Variants in AK7 observed in about 807,000 individuals in gnomAD.
The protein encoded by AK7 is adenylate kinase 7, also known as ATP-AMP transphosphorylase 7.
AK7 carries 78 observed loss-of-function variants against 96.6 expected under a neutral mutation model. The observed-to-expected ratio is 0.81, with a 90% CI of 0.67 to 0.97. The LOEUF is 0.97. Ranked by LOEUF, AK7 falls within the 50% of genes least tolerant of loss-of-function variation. The pLI is 0.00. For synonymous variants in AK7, 302 were observed against 317.2 expected (o/e 0.95, Z 0.51); for missense variants, 855 against 887.9 (o/e 0.96, Z 0.47).
chr14:96,453,029 A>G (rs971939708), intron 10 of AK7, among the ~76,000 whole-genome samples: 1 of 152,212 alleles, frequency 6.6e-6, no homozygotes, highest in Non-Finnish European at 1.5e-5. Flanking sequence ...TGTCATCATA[A>G]CCATAATTAT....
At chr14:96,398,351 C>A in intron 2 of AK7, 88 bp downstream of exon 2, 1 of 1,364,562 alleles carries the variant, frequency 7.3e-7, no homozygotes, top group Non-Finnish European at 1.0e-6. Context: ...TACTGTTTGC[C>A]TCCCCTCCCC....
intron 5 of AK7, among the ~76,000 whole-genome samples, chr14:96,429,420 G>C (rs1465481909): frequency 1.3e-5 from 2 of 152,118 alleles, no homozygotes; most frequent in African/African-American, 4.8e-5. Flanking sequence ...TGTTCTTTTT[G>C]CTTACGATTG....
At chr14:96,464,696 A>G (rs1410426538) in intron 12 of AK7, among the ~76,000 whole-genome samples, 1 of 152,028 alleles carries the variant, frequency 6.6e-6, no homozygotes, top group East Asian at 1.9e-4. Flanking sequence ...TTCAGTGAGA[A>G]TTTACAAGTG....
intron 4 of AK7, among the ~76,000 whole-genome samples, chr14:96,409,731 T>C (rs1890926965): frequency 2.6e-5 from 4 of 152,244 alleles, no homozygotes. Flanking sequence ...GTTATTACGT[T>C]GCAAGAAAAC....
chr14:96,486,423 T>G (rs1895775435), intron 16 of AK7, among the ~76,000 whole-genome samples: 1 of 152,210 alleles, frequency 6.6e-6, no homozygotes, highest in African/African-American at 2.4e-5. Flanking sequence ...GTAACCAATT[T>G]TGATGTTGTG....
At chr14:96,484,969 C>T (rs952258663) in intron 16 of AK7, among the ~76,000 whole-genome samples, 12 of 152,190 alleles carry the variant, frequency 7.9e-5, no homozygotes, top group African/African-American at 2.9e-4. Flanking sequence ...AGGCCCAATG[C>T]ACACATCTTT....
chr14:96,449,268 A>G (rs1265662845), intron 8 of AK7, among the ~76,000 whole-genome samples: 1 of 151,728 alleles, frequency 6.6e-6, no homozygotes, highest in Non-Finnish European at 1.5e-5. Context: ...AGCTGCAAAC[A>G]CTCCACATGA....
intron 2 of AK7, among the ~76,000 whole-genome samples, chr14:96,402,706 T>A (rs1026502413): frequency 1.3e-4 from 20 of 152,088 alleles, no homozygotes; most frequent in African/African-American, 3.6e-4. Context: ...GAGAAGGAAG[T>A]GAATGGCTGG....
At chr14:96,393,052 C>A (rs940161661) in intron 1 of AK7, among the ~76,000 whole-genome samples, 1 of 152,156 alleles carries the variant, frequency 6.6e-6, no homozygotes, top group Non-Finnish European at 1.5e-5. Context: ...CTATTATGGA[C>A]CAGACACTGT....
chr14:96,436,455 G>A (rs1457459734), intron 5 of AK7, among the ~76,000 whole-genome samples: 2 of 152,014 alleles, frequency 1.3e-5, no homozygotes, highest in African/African-American at 4.8e-5. Flanking sequence ...GACCAGCCTG[G>A]CCAACATGGG....
At chr14:96,444,716 CTTT>C (rs543549862) in intron 7 of AK7, among the ~76,000 whole-genome samples, 1 of 144,822 alleles carries the variant, frequency 6.9e-6, no homozygotes, top group African/African-American at 2.5e-5. Flanking sequence ...GTTATCTTTC[CTTT>C]TTTTTTTTTT....
intron 9 of AK7, 50 bp downstream of exon 9, chr14:96,449,929 T>A: frequency 7.6e-7 from 1 of 1,323,396 alleles, no homozygotes; most frequent in Non-Finnish European, 1.1e-6. Flanking sequence ...CTCAATAATA[T>A]GGAGTATTGT....
chr14:96,424,048 C>G lies in AK7; in HGVS notation c.609+3116C>G, dbSNP rs1891871475. ...GGTGTAGAGTTTCCCTAAATCAAGACCATCCCACGAAATGCTGGTGGGTCT... is the reference window on the plus strand; with the variant it reads ...GGTGTAGAGTTTCCCTAAATCAAGAGCATCCCACGAAATGCTGGTGGGTCT... On this transcript the variant is annotated intron_variant, in intron 5 of 17. Transcript: ENST00000267584. The G allele has an allele frequency of 8.2e-6, 6 of 735,894 alleles. No homozygotes were observed. In the Admixed American group the frequency reaches 1.1e-4, roughly 13 times the overall value. The allele number at this position is 735,894 out of a possible 1,614,324, so 45.6% of individuals were successfully genotyped here. A position where few individuals can be genotyped will look rare whatever the true frequency, so the allele number is the denominator to read the frequency against.
chr14:96,466,009 C>CAA (rs528356355), intron 12 of AK7, among the ~76,000 whole-genome samples: 7,931 of 107,532 alleles, frequency 0.074, 900 homozygotes, highest in African/African-American at 0.24. Flanking sequence ...GACTCCATCT[C>CAA]AAAAAAAAAA....
chr14:96,477,921 C>T (rs1334606774), intron 14 of AK7, among the ~76,000 whole-genome samples: 1 of 152,144 alleles, frequency 6.6e-6, no homozygotes, highest in East Asian at 1.9e-4. Flanking sequence ...CGTGGCTTAT[C>T]CCTGCCAGCA....
Position 96,489,292 on chromosome 14 carries a change from C to T in AK7, c.*949C>T, listed in dbSNP as rs1259517078. On this transcript the variant is annotated 3_prime_UTR_variant, in exon 18 of 18. Coordinates refer to ENST00000267584, the MANE Select transcript of AK7 (RefSeq NM_152327.5). ...ACTATCTAGTCCAGAACTTTCTCAT[C>T]ACCCCAAATGGAAACCCAGCACCTA... 1 of 152,206 alleles carries T rather than the reference C, an allele frequency of 6.6e-6. No homozygotes were observed. The highest frequency in any genetic ancestry group is 2.4e-5 in the African/African-American group (1 of 41,454). The allele number at this position is 152,206 out of a possible 1,614,324, so 9.4% of individuals were successfully genotyped here. A position where few individuals can be genotyped will look rare whatever the true frequency, so the allele number is the denominator to read the frequency against.
chr14:96,451,550 A>G lies in AK7; in HGVS notation c.1078A>G (p.Lys360Glu), dbSNP rs140034560. The G allele has an allele frequency of 1.7e-3, 2,650 of 1,554,048 alleles. 5 individuals are homozygous for G. Among genetic ancestry groups the G allele is most frequent in the Non-Finnish European group, 1.9e-3 (2,164 of 1,146,012 alleles). The part of the protein sequence containing the change: ...ENINTILKEY[K>E]QSRGLMPIKI... ...TATCAACACTATCCTCAAGGAGTAC[A>G]AGCAAAGCAGAGGATTGATGGTAAC... The change falls in exon 10 of 18, where the codon AAG becomes GAG. Residue 360 changes from lysine (K) to glutamate (E), a missense_variant. By Grantham distance (56) the Lys-to-Glu change is moderately conservative (BLOSUM62 1). Coordinates refer to ENST00000267584, the MANE Select transcript of AK7 (RefSeq NM_152327.5).
chr14:96,400,324 G>A (rs955923929), intron 2 of AK7, among the ~76,000 whole-genome samples: 2 of 152,074 alleles, frequency 1.3e-5, no homozygotes, highest in African/African-American at 4.8e-5. Context: ...ACAGGCCTGA[G>A]CCACCACGCC....
intron 5 of AK7, among the ~76,000 whole-genome samples, chr14:96,433,683 A>G (rs1892482526): frequency 6.6e-6 from 1 of 152,212 alleles, no homozygotes; most frequent in African/African-American, 2.4e-5. Flanking sequence ...TCAACTCGTC[A>G]AAGTCATTCT....
Sources: gnomAD v4.1 joint callset for allele counts (sites outside exome capture counted in the v4.1 genomes callset) on GRCh38, gnomAD v4.1.1 for gene constraint, MANE v1.5 for transcripts, NCBI Gene and HGNC (gene_info 2026-07-23, HGNC 2026-07-21) for gene names.